MRPL3: variants seen among roughly 807,000 people sequenced by gnomAD.
The protein encoded by MRPL3 is large ribosomal subunit protein uL3m.
A neutral mutation model predicts 44.3 loss-of-function variants in MRPL3; 43 were observed. The observed-to-expected ratio is 0.97, with a 90% CI of 0.76 to 1.25. The LOEUF (loss-of-function observed/expected upper bound fraction) is 1.25. Among genes scored for constraint, MRPL3 ranks in the 50% most tolerant of loss-of-function variants. MRPL3 has a pLI of 0.00. For missense variants in MRPL3, 406 were observed against 427.6 expected (o/e 0.95, Z 0.45); for synonymous variants, 171 against 152.3 (o/e 1.12, Z -0.91).
intron 4 of MRPL3, among the ~76,000 whole-genome samples, chr3:131,491,706 C>T (rs979997418): frequency 2.6e-5 from 4 of 152,090 alleles, no homozygotes; most frequent in African/African-American, 7.2e-5. Flanking sequence ...ATATAGCCCA[C>T]GCCAACCACT....
chr3:131,478,584 C>T (rs144793949), intron 6 of MRPL3, among the ~76,000 whole-genome samples: 1 of 152,134 alleles, frequency 6.6e-6, no homozygotes, highest in Non-Finnish European at 1.5e-5. Flanking sequence ...CTCTTCCATG[C>T]CTTTGTTCAT....
intron 6 of MRPL3, among the ~76,000 whole-genome samples, chr3:131,486,372 A>T (rs1211964703): frequency 6.7e-6 from 1 of 148,522 alleles, no homozygotes; most frequent in Non-Finnish European, 1.5e-5. Flanking sequence ...GGCAAAAAAA[A>T]AAAAAAAAAA....
intron 6 of MRPL3, among the ~76,000 whole-genome samples, chr3:131,474,407 G>A (rs1384244642): frequency 6.6e-6 from 1 of 152,148 alleles, no homozygotes; most frequent in African/African-American, 2.4e-5. Flanking sequence ...GATGGGGATG[G>A]GAATGAGGAG....
intron 1 of MRPL3, chr3:131,502,018 A>C: frequency 2.0e-6 from 2 of 981,480 alleles, no homozygotes; most frequent in South Asian, 3.0e-5. Context: ...ACCCATTTGG[A>C]AGTGTACCTT....
At position 131,471,168 on chromosome 3, in the gene MRPL3, C is replaced by G. The variant is rs1252660072; in HGVS notation, c.738+3G>C. 1 of 1,601,350 alleles carries G rather than the reference C, an allele frequency of 6.2e-7. No individual in the cohort carries two copies. The highest frequency in any genetic ancestry group is 8.6e-7 in the Non-Finnish European group (1 of 1,169,160). On this transcript the variant is annotated splice_donor_region_variant and intron_variant, in intron 7 of 9. Coordinates refer to ENST00000264995, the MANE Select transcript of MRPL3 (RefSeq NM_007208.4). ...TAAAAAGAGCTTCACTAGTTATACT[C>G]ACACCAGTTGCAACAGCTCCAGGTC...
rs757421941 is a variant in MRPL3, at chr3:131,498,131, G to A, written c.468+48C>T. On this transcript the variant is annotated intron_variant, in intron 4 of 9. Transcript: ENST00000264995. ...TCAAAACATAAACTCATCCAGATTT[G>A]AAACTGATGAAAAATGCAGTATTCT... 6.4e-6 allele frequency: 8 copies of A among 1,244,114 alleles called. No homozygotes were observed. In the Admixed American group the frequency reaches 1.4e-4, roughly 22 times the overall value. 77.1% of individuals were successfully genotyped at this position (1,244,114 alleles called of 1,614,324 possible). A position where few individuals can be genotyped will look rare whatever the true frequency, so the allele number is the denominator to read the frequency against.
intron 4 of MRPL3, among the ~76,000 whole-genome samples, chr3:131,490,554 T>C (rs1289711862): frequency 6.6e-6 from 1 of 152,208 alleles, no homozygotes; most frequent in Non-Finnish European, 1.5e-5. Context: ...CCTACATATC[T>C]CTGGTTAAAT....
chr3:131,502,527 G>A (rs1934520851), intron 1 of MRPL3, among the ~76,000 whole-genome samples: 1 of 152,196 alleles, frequency 6.6e-6, no homozygotes, highest in Admixed American at 6.5e-5. Flanking sequence ...CGCTGCTAGT[G>A]GCTGGCTCAT....
intron 3 of MRPL3, among the ~76,000 whole-genome samples, chr3:131,500,218 T>C (rs944063969): frequency 7.2e-5 from 11 of 152,292 alleles, no homozygotes; most frequent in Admixed American, 7.2e-4. Context: ...GCTCCAGTTA[T>C]CCCAATACCA....
chr3:131,468,069 A>G, intron 9 of MRPL3, 22 bp downstream of exon 9: 1 of 1,365,928 alleles, frequency 7.3e-7, no homozygotes, highest in Non-Finnish European at 9.9e-7. Context: ...AAAGGAAAAA[A>G]AAAGAAGACA....
At chr3:131,492,892 T>G (rs970930165) in intron 4 of MRPL3, among the ~76,000 whole-genome samples, 2 of 152,202 alleles carry the variant, frequency 1.3e-5, no homozygotes, top group Non-Finnish European at 2.9e-5. Flanking sequence ...ACAAAACCTA[T>G]GGACATCTTA....
rs1934530886 is a variant in MRPL3 at position 131,502,880 on chromosome 3, G to A, written c.-59C>T. 6.6e-7 allele frequency: 1 copy of A among 1,513,362 alleles called. No individual in the cohort carries two copies. The highest frequency in any genetic ancestry group is 9.1e-7 in the Non-Finnish European group (1 of 1,098,576). 93.7% of individuals were successfully genotyped at this position (1,513,362 alleles called of 1,614,324 possible). Reference sequence around the variant, plus strand: ...CGGGCGCCCTGCCGCTCTGCTTTCAGGGAGTCCCCACGCCACCGCCACGTG... The same window carrying A: ...CGGGCGCCCTGCCGCTCTGCTTTCAAGGAGTCCCCACGCCACCGCCACGTG... On this transcript the variant is annotated 5_prime_UTR_variant, in exon 1 of 10. Transcript: ENST00000264995.
rs1934473080 is a variant in MRPL3 at position 131,500,513 on chromosome 3, T to C, written c.286A>G (p.Arg96Gly). 1 of 1,613,460 alleles carries C rather than the reference T, an allele frequency of 6.2e-7. No homozygotes were observed. The highest frequency in any genetic ancestry group is 8.5e-7 in the Non-Finnish European group (1 of 1,179,620). Residue 96 changes from arginine to glycine, a missense_variant, in exon 3 of 10, where the codon AGA (arginine) becomes GGA (glycine). Physicochemically the swap from Arg to Gly is moderately radical, Grantham distance 125 (BLOSUM62 -2). Transcript: ENST00000264995. Reference protein sequence around the residue: ...PIHPWEPGSFRVGLIALKLGM... With the variant: ...PIHPWEPGSFGVGLIALKLGM... ...AGCTTCAAGGCAATAAGACCAACTC[T>C]AAAGGAACCTGGCAATTAAAACCAA...
intron 9 of MRPL3, among the ~76,000 whole-genome samples, chr3:131,465,512 A>G: frequency 6.6e-6 from 1 of 152,316 alleles, no homozygotes; most frequent in African/African-American, 2.4e-5. Flanking sequence ...AATTAATGGT[A>G]AGGTTCAGCT....
At chr3:131,468,037 G>C in intron 9 of MRPL3, 54 bp downstream of exon 9, 9 of 894,552 alleles carry the variant, frequency 1.0e-5, no homozygotes, top group Non-Finnish European at 1.3e-5. Context: ...TTGTTAGCTT[G>C]CGAGTAAGAA....
chr3:131,490,391 G>A (rs551901518), intron 4 of MRPL3, among the ~76,000 whole-genome samples: 1 of 152,004 alleles, frequency 6.6e-6, no homozygotes, highest in Non-Finnish European at 1.5e-5. Context: ...ATTCTGACTG[G>A]AGACTGTCTG....
At chr3:131,498,093 C>T in intron 4 of MRPL3, 86 bp downstream of exon 4, 1 of 971,214 alleles carries the variant, frequency 1.0e-6, no homozygotes, top group Non-Finnish European at 1.6e-6. Flanking sequence ...AAGTTTGTGG[C>T]TGTGGAACAA....
chr3:131,489,248 A>G (rs1934195642), intron 5 of MRPL3, among the ~76,000 whole-genome samples: 1 of 152,112 alleles, frequency 6.6e-6, no homozygotes, highest in Non-Finnish European at 1.5e-5. Context: ...AATTCCATTT[A>G]CCTTGCCTTA....
rs775277638 is a variant in MRPL3, at chr3:131,462,840, G to T, written c.930C>A (p.Leu310=). The stretch of plus-strand genomic sequence containing the variant: ...ATGTAGGGAATGGTAGATTTTTACC[G>T]AGATCCTTATATGCAGGCAGTTTAG... ...KDSKLPAYKD[L]GKNLPFPTYF... is the part of the protein sequence containing the mutation. The change falls in exon 10 of 10, where the codon CTC becomes CTA. Residue 310 remains leucine, a synonymous_variant. Coordinates refer to ENST00000264995, the MANE Select transcript of MRPL3 (RefSeq NM_007208.4). 2 of 1,611,638 alleles carry T rather than the reference G, an allele frequency of 1.2e-6. No individual in the cohort carries two copies. The highest frequency in any genetic ancestry group is 4.5e-5 in the East Asian group (2 of 44,798).
Sources: allele counts gnomAD v4.1 joint callset (sites outside exome capture counted in the v4.1 genomes callset), GRCh38; gene constraint gnomAD v4.1.1; transcripts MANE v1.5; gene names NCBI Gene and HGNC (gene_info 2026-07-23, HGNC 2026-07-21).